The following CHRM5 variants were observed in gnomAD, a reference collection of about 807,000 sequenced individuals.
The protein encoded by CHRM5 is muscarinic acetylcholine receptor M5.
Under a neutral mutation model 39.0 loss-of-function variants are expected in CHRM5, and 18 were observed. The observed-to-expected ratio is 0.46, with a 90% CI of 0.32 to 0.68. The LOEUF is 0.68. Among genes scored for constraint, CHRM5 ranks in the 30% least tolerant of loss-of-function variants. The probability of loss-of-function intolerance (pLI) is 0.04; values close to 1 mark genes in which losing one functional copy is unlikely to be tolerated. For missense variants in CHRM5, 515 were observed against 651.1 expected (o/e 0.79, Z 2.28); for synonymous variants, 241 against 246.3 (o/e 0.98, Z 0.20).
chr15:34,062,572 A>T, intron 2 of CHRM5, 71 bp from the exon 3 acceptor site: 1 of 657,354 alleles, frequency 1.5e-6, no homozygotes. Flanking sequence ...AAAAAAAAAA[A>T]AACTATAAAC....
intron 1 of CHRM5, among the ~76,000 whole-genome samples, chr15:34,025,760 G>GTGTGTGTGTGTT (rs11271927): frequency 0.15 from 22,343 of 151,650 alleles, 2,058 homozygotes; most frequent in Middle Eastern, 0.27. Flanking sequence ...GGTTTTGCGT[G>GTGTGTGTGTGTT]TGTGTGTGTG....
chr15:34,055,141 G>A (rs895266698), intron 2 of CHRM5, among the ~76,000 whole-genome samples: 6 of 150,292 alleles, frequency 4.0e-5, no homozygotes, highest in East Asian at 2.0e-4. Flanking sequence ...GCGGTGAGCC[G>A]AGATCACACC....
At chr15:34,031,017 T>C (rs1898761842) in intron 1 of CHRM5, among the ~76,000 whole-genome samples, 1 of 152,184 alleles carries the variant, frequency 6.6e-6, no homozygotes, top group Non-Finnish European at 1.5e-5. Context: ...TTTCACAGAA[T>C]ATACATCTAT....
At chr15:34,057,854 G>C (rs866019554) in intron 2 of CHRM5, among the ~76,000 whole-genome samples, 2 of 152,200 alleles carry the variant, frequency 1.3e-5, no homozygotes. Flanking sequence ...ATCTGAAGCT[G>C]ACCAATGCCA....
Position 34,063,384 on chromosome 15 carries a change from C to T in CHRM5, c.667C>T (p.Arg223Ter), listed in dbSNP as rs1482092786. 6.2e-7 allele frequency: 1 copy of T among 1,614,032 alleles called. No homozygotes were observed. The highest frequency in any genetic ancestry group is 8.5e-7 in the Non-Finnish European group (1 of 1,180,022). ...YCRIYRETEK[R>*]TKDLADLQGS... Reference sequence around the variant, plus strand: ...TCGAATCTACCGGGAAACAGAGAAGCGAACCAAGGACCTGGCTGACCTCCA... The same window carrying T: ...TCGAATCTACCGGGAAACAGAGAAGTGAACCAAGGACCTGGCTGACCTCCA... The change falls in exon 3 of 3, where the codon CGA (arginine) becomes TGA (stop). Residue 223 changes from arginine (R) to a stop codon, truncating the protein, a stop_gained. Coordinates refer to ENST00000383263, the MANE Select transcript of CHRM5 (RefSeq NM_012125.4). LOFTEE classifies it high-confidence loss of function. This position sits in a 1 kb window ranked among gnomAD's most constrained non-coding sequence, Gnocchi z 4.1.
At chr15:34,008,690 G>A (rs28870091) in intron 1 of CHRM5, among the ~76,000 whole-genome samples, 71,338 of 151,432 alleles carry the variant, frequency 0.47, 20,160 homozygotes, top group Non-Finnish European at 0.63. Context: ...GGGTTTCACC[G>A]TGTTAGCCAG....
At chr15:34,011,077 T>C (rs2632073) in intron 1 of CHRM5, among the ~76,000 whole-genome samples, 138,418 of 152,150 alleles carry the variant, frequency 0.91, 64,188 homozygotes, top group Non-Finnish European at 1. Flanking sequence ...CTATAATACC[T>C]GCACTTTGGG....
chr15:34,063,867 G>A lies in CHRM5; in HGVS notation c.1150G>A (p.Val384Met). The A allele has an allele frequency of 1.2e-6, 2 of 1,614,192 alleles. No individual in the cohort carries two copies. Among genetic ancestry groups the A allele is most frequent in the Non-Finnish European group, 1.7e-6 (2 of 1,180,036 alleles). ...ATGTGTGGCCTATAAGTTCCGATTG[G>A]TGGTAAAAGCTGACGGGAACCAGGA... ...QKCVAYKFRL[V>M]VKADGNQETN... The change falls in exon 3 of 3, where the codon GTG becomes ATG. Residue 384 changes from valine to methionine, a missense_variant. Transcript: ENST00000383263. The surrounding 1 kb of genome is among the most constrained non-coding windows in gnomAD (Gnocchi z 4.1).
chr15:34,059,360 T>C (rs1218059032), intron 2 of CHRM5, among the ~76,000 whole-genome samples: 2 of 152,228 alleles, frequency 1.3e-5, no homozygotes, highest in Non-Finnish European at 2.9e-5. Flanking sequence ...AAACACCATG[T>C]ATTCCTATTT....
chr15:33,993,825 T>C (rs1226224657), intron 1 of CHRM5, among the ~76,000 whole-genome samples: 4 of 51,678 alleles, frequency 7.7e-5, no homozygotes, highest in African/African-American at 3.0e-4. Context: ...TAAATATACA[T>C]CCTTAAAAAA....
chr15:33,987,405 A>G (rs1033276675), intron 1 of CHRM5, among the ~76,000 whole-genome samples: 25 of 152,228 alleles, frequency 1.6e-4, no homozygotes, highest in Non-Finnish European at 1.5e-5. Context: ...AGAGAAAAAC[A>G]ATGGACAGCC....
intron 2 of CHRM5, among the ~76,000 whole-genome samples, chr15:34,047,536 T>C (rs548651743): frequency 1.3e-5 from 2 of 152,234 alleles, no homozygotes; most frequent in African/African-American, 4.8e-5. Flanking sequence ...ACCCACTGAC[T>C]TGGAATTCCA....
intron 1 of CHRM5, among the ~76,000 whole-genome samples, chr15:34,011,773 G>A (rs964723477): frequency 7.9e-5 from 12 of 152,082 alleles, no homozygotes; most frequent in Non-Finnish European, 1.3e-4. Flanking sequence ...CTTCCAAGTC[G>A]GCTAAAACTG....
chr15:34,029,250 A>C (rs1898647683), intron 1 of CHRM5, among the ~76,000 whole-genome samples: 1 of 152,192 alleles, frequency 6.6e-6, no homozygotes, highest in Non-Finnish European at 1.5e-5. Context: ...TCCATATTGT[A>C]AAAATGAAAA....
In CHRM5 at chr15:33,969,014, G is replaced by C. The variant is rs915131333; in HGVS notation, c.-544G>C. 1.3e-5 allele frequency: 2 copies of C among 151,988 alleles called. No homozygotes were observed. Among genetic ancestry groups the C allele is most frequent in the African/African-American group, 4.8e-5 (2 of 41,416 alleles). 9.4% of individuals were successfully genotyped at this position (151,988 alleles called of 1,614,324 possible). A position where few individuals can be genotyped will look rare whatever the true frequency, so the allele number is the denominator to read the frequency against. On this transcript the variant is annotated 5_prime_UTR_variant, in exon 1 of 3. Transcript: ENST00000383263. ...ATGCTACAGGATTATCAGGAATACAGATATAAAGACACTGCAAGAAATAAA... is the reference window on the plus strand; with the variant it reads ...ATGCTACAGGATTATCAGGAATACACATATAAAGACACTGCAAGAAATAAA...
At chr15:34,031,784 A>T (rs1274192410) in intron 1 of CHRM5, among the ~76,000 whole-genome samples, 2 of 152,214 alleles carry the variant, frequency 1.3e-5, no homozygotes, top group Non-Finnish European at 2.9e-5. Context: ...AGATTATAAC[A>T]ACAGCATCCT....
At chr15:34,016,686 CA>C (rs1266576158) in intron 1 of CHRM5, among the ~76,000 whole-genome samples, 1 of 152,148 alleles carries the variant, frequency 6.6e-6, no homozygotes, top group African/African-American at 2.4e-5. Flanking sequence ...TAATCAGAAA[CA>C]AATTAAATAC....
chr15:34,023,195 A>G (rs1597363112), intron 1 of CHRM5, among the ~76,000 whole-genome samples: 1 of 151,230 alleles, frequency 6.6e-6, no homozygotes, highest in African/African-American at 2.4e-5. Flanking sequence ...AAAAAAAAGG[A>G]AAAGAACAAT....
rs375671129 is a variant in CHRM5 at position 34,064,187 on chromosome 15, C to T, written c.1470C>T (p.Val490=). 1.2e-6 allele frequency: 2 copies of T among 1,614,068 alleles called. No homozygotes were observed. Among genetic ancestry groups the T allele is most frequent in the African/African-American group, 2.7e-5 (2 of 74,918 alleles). Residue 490 remains valine (V), a synonymous_variant, in exon 3 of 3, where the codon GTC becomes GTT. Coordinates refer to ENST00000383263, the MANE Select transcript of CHRM5 (RefSeq NM_012125.4). Reference sequence around the variant, plus strand: ...GGTTGTGCTATGTCAATAGCACTGTCAACCCCATCTGCTATGCCCTCTGCA... The same window carrying T: ...GGTTGTGCTATGTCAATAGCACTGTTAACCCCATCTGCTATGCCCTCTGCA... ...GYWLCYVNST[V]NPICYALCNR... is the part of the protein sequence containing the mutation.
Sources: allele counts gnomAD v4.1 joint callset (sites outside exome capture counted in the v4.1 genomes callset), GRCh38; gene constraint gnomAD v4.1.1; non-coding constraint Gnocchi (gnomAD v3.1); transcripts MANE v1.5; gene names NCBI Gene and HGNC (gene_info 2026-07-23, HGNC 2026-07-21).